The following CBR1 variants were observed in gnomAD, a reference collection of about 807,000 sequenced individuals.
CBR1 encodes the protein carbonyl reductase 1, also known as carbonyl reductase [NADPH] 1.
Under a neutral mutation model 10.6 loss-of-function variants are expected in CBR1, and 11 were observed. That is an observed-to-expected ratio of 1.03 (90% CI 0.65 to 1.71). CBR1 has a LOEUF of 1.71. Ranked by LOEUF, CBR1 falls within the 40% of genes most tolerant of loss-of-function variation. The pLI is 0.00. For missense variants in CBR1, 361 were observed against 368.6 expected (o/e 0.98, Z 0.17); for synonymous variants, 158 against 156.7 (o/e 1.01, Z -0.06).
Position 36,072,721 on chromosome 21 carries a change from G to A in CBR1, c.673G>A (p.Ala225Thr). 1 of 1,614,182 alleles carries A rather than the reference G, an allele frequency of 6.2e-7. No homozygotes were observed. The change falls in exon 3 of 3, where the codon GCC becomes ACC. Residue 225 changes from alanine to threonine, a missense_variant. Transcript: ENST00000290349. ...QRKGDKILLN[A>T]CCPGWVRTDM... is the part of the protein sequence containing the mutation. ...GAAAGGGGACAAGATCCTCCTGAAT[G>A]CCTGCTGCCCAGGGTGGGTGAGAAC...
intron 2 of CBR1, 65 bp downstream of exon 2, chr21:36,071,122 A>T: frequency 9.3e-7 from 1 of 1,069,798 alleles, no homozygotes; most frequent in Non-Finnish European, 1.5e-6. Context: ...CTTGCCTGGG[A>T]TTTCTCCTGC....
chr21:36,072,535 A>G lies in CBR1; in HGVS notation c.487A>G (p.Ile163Val). ...GCAGCAGAAGTTCCGCAGTGAGACC[A>G]TCACTGAGGAGGAGCTGGTGGGGCT... The part of the protein sequence containing the change: ...ELQQKFRSET[I>V]TEEELVGLMN... The change falls in exon 3 of 3, where the codon ATC (isoleucine) becomes GTC (valine). Residue 163 changes from isoleucine (I) to valine (V), a missense_variant. By Grantham distance (29) the Ile-to-Val change is conservative. Coordinates refer to ENST00000290349, the MANE Select transcript of CBR1 (RefSeq NM_001757.4). 2 of 1,602,650 alleles carry G rather than the reference A, an allele frequency of 1.2e-6. No individual in the cohort carries two copies. The highest frequency in any genetic ancestry group is 2.2e-5 in the East Asian group (1 of 44,790).
rs1284399307 is a variant in CBR1 at position 36,072,938 on chromosome 21, C to A, written c.*56C>A. 3.2e-6 allele frequency: 4 copies of A among 1,236,956 alleles called. No individual in the cohort carries two copies. The highest frequency in any genetic ancestry group is 4.6e-6 in the Non-Finnish European group (4 of 879,100). The allele number at this position is 1,236,956 out of a possible 1,614,324, so 76.6% of individuals were successfully genotyped here. ...ATTTTGTACCTTGTCCTGAGTTGGTCCAAAGGGCATTTACAATGTCATAAA... is the reference window on the plus strand; with the variant it reads ...ATTTTGTACCTTGTCCTGAGTTGGTACAAAGGGCATTTACAATGTCATAAA... On this transcript the variant is annotated 3_prime_UTR_variant, in exon 3 of 3. Transcript: ENST00000290349.
Position 36,070,416 on chromosome 21 carries a change from G to T in CBR1, c.289+12G>T. ...CATCGCCTTCAAGGGTATGGGGAGG[G>T]GACGTGGCCTCCCCGAAGAAGAACC... On this transcript the variant is annotated intron_variant, in intron 1 of 2. Coordinates refer to ENST00000290349, the MANE Select transcript of CBR1 (RefSeq NM_001757.4). 1 of 1,574,702 alleles carries T rather than the reference G, an allele frequency of 6.4e-7. No individual in the cohort carries two copies.
In CBR1 at chr21:36,070,320, A is replaced by C; in HGVS notation, c.205A>C (p.Ser69Arg). 2 of 1,613,262 alleles carry C rather than the reference A, an allele frequency of 1.2e-6. No homozygotes were observed. Among genetic ancestry groups the C allele is most frequent in the East Asian group, 4.5e-5 (2 of 44,842 alleles). ...CCAGCTGGACATCGACGATCTGCAG[A>C]GCATCCGCGCCCTGCGCGACTTCCT... ...FHQLDIDDLQSIRALRDFLRK... is the reference protein window; with the variant it reads ...FHQLDIDDLQRIRALRDFLRK... The change falls in exon 1 of 3, where the codon AGC becomes CGC. Residue 69 changes from serine to arginine, a missense_variant. Physicochemically the swap from Ser to Arg is moderately radical, Grantham distance 110 (BLOSUM62 -1). Coordinates refer to ENST00000290349, the MANE Select transcript of CBR1 (RefSeq NM_001757.4).
chr21:36,072,567 C>T lies in CBR1; in HGVS notation c.519C>T (p.Asn173=), dbSNP rs929786970. 2 of 1,600,730 alleles carry T rather than the reference C, an allele frequency of 1.2e-6. No homozygotes were observed. The highest frequency in any genetic ancestry group is 1.7e-6 in the Non-Finnish European group (2 of 1,173,828). The change falls in exon 3 of 3, where the codon AAC becomes AAT. Residue 173 remains asparagine, a synonymous_variant. Transcript: ENST00000290349. ...AGGAGGAGCTGGTGGGGCTCATGAACAAGTTTGTGGAGGATACAAAGAAGG... is the reference window on the plus strand; with the variant it reads ...AGGAGGAGCTGGTGGGGCTCATGAATAAGTTTGTGGAGGATACAAAGAAGG... ...ITEEELVGLM[N]KFVEDTKKGV... is the part of the protein sequence containing the mutation.
chr21:36,072,711 C>G lies in CBR1; in HGVS notation c.663C>G (p.Ile221Met). ...GTGAGCAGAGGAAAGGGGACAAGAT[C>G]CTCCTGAATGCCTGCTGCCCAGGGT... is the stretch of plus-strand genomic sequence containing the variant. ...KLSEQRKGDKILLNACCPGWV... is the reference protein window; with the variant it reads ...KLSEQRKGDKMLLNACCPGWV... Residue 221 changes from isoleucine (I) to methionine (M), a missense_variant, in exon 3 of 3, where the codon ATC (isoleucine) becomes ATG (methionine). Transcript: ENST00000290349. The G allele has an allele frequency of 6.2e-7, 1 of 1,614,176 alleles. No homozygotes were observed.
chr21:36,072,004 T>C (rs906032602), intron 2 of CBR1: 2 of 1,529,932 alleles, frequency 1.3e-6, no homozygotes, highest in African/African-American at 2.7e-5. Context: ...TAAACTGCTG[T>C]GATAGTTACC....
In CBR1 at chr21:36,070,322, C is replaced by T. The variant is rs944810092; in HGVS notation, c.207C>T (p.Ser69=). The T allele has an allele frequency of 1.2e-6, 2 of 1,613,248 alleles. No individual in the cohort carries two copies. Among genetic ancestry groups the T allele is most frequent in the Non-Finnish European group, 1.7e-6 (2 of 1,180,000 alleles). ...AGCTGGACATCGACGATCTGCAGAG[C>T]ATCCGCGCCCTGCGCGACTTCCTGC... ...FHQLDIDDLQ[S]IRALRDFLRK... Residue 69 remains serine, a synonymous_variant, in exon 1 of 3, where the codon AGC becomes AGT. Transcript: ENST00000290349.
In CBR1 at chr21:36,072,951, A is replaced by C; in HGVS notation, c.*69A>C. ...TCCTGAGTTGGTCCAAAGGGCATTT[A>C]CAATGTCATAAATATCCTTATATAA... On this transcript the variant is annotated 3_prime_UTR_variant, in exon 3 of 3. Transcript: ENST00000290349. The C allele has an allele frequency of 7.6e-6, 8 of 1,050,306 alleles. No homozygotes were observed. The highest frequency in any genetic ancestry group is 1.1e-5 in the Non-Finnish European group (8 of 718,680). 65.1% of individuals were successfully genotyped at this position (1,050,306 alleles called of 1,614,324 possible).
chr21:36,071,840 A>G, intron 2 of CBR1: 2 of 1,535,944 alleles, frequency 1.3e-6, no homozygotes, highest in South Asian at 1.2e-5. Context: ...CTGCATGGTC[A>G]TGCCTCTCCC....
rs139372689 is a variant in CBR1, at chr21:36,072,813, C to G, written c.765C>G (p.Ala255=). ...EEGAETPVYL[A]LLPPDAEGPH... is the part of the protein sequence containing the mutation. The stretch of plus-strand genomic sequence containing the variant: ...GTGCAGAGACCCCTGTGTACTTGGC[C>G]CTTTTGCCCCCAGATGCTGAGGGTC... Residue 255 remains alanine (A), a synonymous_variant, in exon 3 of 3, where the codon GCC becomes GCG. Transcript: ENST00000290349. The G allele has an allele frequency of 6.2e-7, 1 of 1,613,942 alleles. No individual in the cohort carries two copies. Among genetic ancestry groups the G allele is most frequent in the Non-Finnish European group, 8.5e-7 (1 of 1,179,974 alleles).
rs1248523171 is a variant in CBR1 at position 36,072,606 on chromosome 21, G to A, written c.558G>A (p.Lys186=). 1 of 1,604,398 alleles carries A rather than the reference G, an allele frequency of 6.2e-7. No individual in the cohort carries two copies. The highest frequency in any genetic ancestry group is 1.7e-5 in the Admixed American group (1 of 58,434). The change falls in exon 3 of 3, where the codon AAG becomes AAA. Residue 186 remains lysine (K), a synonymous_variant. Coordinates refer to ENST00000290349, the MANE Select transcript of CBR1 (RefSeq NM_001757.4). ...ATACAAAGAAGGGAGTGCACCAGAA[G>A]GAGGGCTGGCCCAGCAGCGCATACG... ...VEDTKKGVHQ[K]EGWPSSAYGV... is the part of the protein sequence containing the mutation.
chr21:36,070,853 G>GTTTTT (rs66638540), intron 1 of CBR1, 97 bp from the exon 2 acceptor site: 12 of 509,442 alleles, frequency 2.4e-5, no homozygotes, highest in East Asian at 1.1e-4. Context: ...AGGGCACTAA[G>GTTTTT]TTTTTTTTTT....
rs966215863 is a variant in CBR1 at position 36,070,869 on chromosome 21, T to G, written c.290-81T>G. On this transcript the variant is annotated intron_variant, in intron 1 of 2. Transcript: ENST00000290349. Reference sequence around the variant, plus strand: ...GGGCACTAAGTTTTTTTTTTTTTTTTTTTTTTTTTTTAGTATCATTGTATA... The same window carrying G: ...GGGCACTAAGTTTTTTTTTTTTTTTGTTTTTTTTTTTAGTATCATTGTATA... 61 of 852,950 alleles carry G rather than the reference T, an allele frequency of 7.2e-5. 1 individual carries two copies. The highest frequency in any genetic ancestry group is 1.9e-4 in the African/African-American group (11 of 59,038). The allele number at this position is 852,950 out of a possible 1,614,324, so 52.8% of individuals were successfully genotyped here.
chr21:36,070,557 C>A (rs2065344503), intron 1 of CBR1, 153 bp downstream of exon 1: 3 of 724,616 alleles, frequency 4.1e-6, no homozygotes, highest in Non-Finnish European at 6.3e-6. Flanking sequence ...AGTTTTCCAG[C>A]CAAAGGGAAC....
At position 36,070,363 on chromosome 21, in the gene CBR1, G is replaced by T. The variant is rs1439950229; in HGVS notation, c.248G>T (p.Gly83Val). The change falls in exon 1 of 3, where the codon GGC (glycine) becomes GTC (valine). Residue 83 changes from glycine (G) to valine (V), a missense_variant. Gly to Val is a moderately radical substitution (Grantham distance 109, BLOSUM62 -3). Transcript: ENST00000290349. The stretch of plus-strand genomic sequence containing the variant: ...GACTTCCTGCGCAAGGAGTACGGGG[G>T]CCTGGACGTGCTGGTCAACAACGCG... Reference protein sequence around the residue: ...LRDFLRKEYGGLDVLVNNAGI... With the variant: ...LRDFLRKEYGVLDVLVNNAGI... 6.2e-7 allele frequency: 1 copy of T among 1,612,202 alleles called. No homozygotes were observed. Among genetic ancestry groups the T allele is most frequent in the Non-Finnish European group, 8.5e-7 (1 of 1,179,316 alleles).
At position 36,070,312 on chromosome 21, in the gene CBR1, AT is replaced by A. The variant is rs1383681936; in HGVS notation, c.198del (p.Leu67CysfsTer43). 6.2e-7 allele frequency: 1 copy of A among 1,613,150 alleles called. No individual in the cohort carries two copies. The highest frequency in any genetic ancestry group is 8.5e-7 in the Non-Finnish European group (1 of 1,179,980). ...SPRFHQLDID[D>X]LQSIRALRDF... ...CGCTTCCACCAGCTGGACATCGACGATCTGCAGAGCATCCGCGCCCTGCGCG... is the reference window on the plus strand; with the variant it reads ...CGCTTCCACCAGCTGGACATCGACGACTGCAGAGCATCCGCGCCCTGCGCG... On this transcript the variant is annotated frameshift_variant, in exon 1 of 3. Transcript: ENST00000290349. LOFTEE classifies it high-confidence loss of function.
chr21:36,071,785 C>T, intron 2 of CBR1: 1 of 1,481,970 alleles, frequency 6.7e-7, no homozygotes, highest in East Asian at 2.5e-5. Context: ...CACCTCTGGT[C>T]TTGAGTCTTT....
Sources: allele counts gnomAD v4.1 joint callset, GRCh38; gene constraint gnomAD v4.1.1; transcripts MANE v1.5; gene names NCBI Gene and HGNC (gene_info 2026-07-23, HGNC 2026-07-21).